Variants in PTGIS observed in about 807,000 individuals in gnomAD.
PTGIS encodes the protein prostacyclin synthase.
In PTGIS, 45 loss-of-function variants were observed where a neutral mutation model predicts 50.3. That is an observed-to-expected ratio of 0.90 (90% CI 0.70 to 1.15). The LOEUF (loss-of-function observed/expected upper bound fraction) is 1.15. Among genes scored for constraint, PTGIS ranks in the 50% most tolerant of loss-of-function variants. The pLI, the probability that PTGIS is intolerant of heterozygous loss-of-function variation, is 0.00. For missense variants in PTGIS, 668 were observed against 661.3 expected (o/e 1.01, Z -0.11); for synonymous variants, 260 against 267.7 (o/e 0.97, Z 0.28).
In PTGIS at chr20:49,513,236, C is replaced by A. The variant is rs201137032; in HGVS notation, c.1050G>T (p.Arg350Ser). The A allele has an allele frequency of 4.3e-6, 7 of 1,613,868 alleles. No homozygotes were observed. The highest frequency in any genetic ancestry group is 5.9e-6 in the Non-Finnish European group (7 of 1,180,030). The change falls in exon 8 of 10, where the codon AGG becomes AGT. Residue 350 changes from arginine (R) to serine (S), a missense_variant. By Grantham distance (110) the Arg-to-Ser change is moderately radical (BLOSUM62 -1). Transcript: ENST00000244043. ...VLDSVLSESL[R>S]LTAAPFITRE... ...GGGTGATGAAGGGGGCAGCTGTAAG[C>A]CTGAGGCTCTCACTCAGCACGCTAT...
intron 5 of PTGIS, among the ~76,000 whole-genome samples, chr20:49,532,205 C>A (rs1398024233): frequency 6.6e-6 from 1 of 152,126 alleles, no homozygotes; most frequent in Non-Finnish European, 1.5e-5. Flanking sequence ...ATCGATTTCA[C>A]TTCTATTTTT....
Position 49,514,434 on chromosome 20 carries a change from C to T in PTGIS, c.856-39G>A, listed in dbSNP as rs751462586. ...GGCCCCTGTTATGCCATTATGAGGG[C>T]AGAGCTGACTCGTCTCTGCCAGGGA... is the stretch of plus-strand genomic sequence containing the variant. On this transcript the variant is annotated intron_variant, in intron 6 of 9. Transcript: ENST00000244043. The T allele has an allele frequency of 7.5e-6, 12 of 1,606,798 alleles. No homozygotes were observed. In the African/African-American group the frequency reaches 1.6e-4, roughly 21 times the overall value.
At chr20:49,565,591 G>C (rs1982877420) in intron 1 of PTGIS, among the ~76,000 whole-genome samples, 1 of 152,136 alleles carries the variant, frequency 6.6e-6, no homozygotes, top group South Asian at 2.1e-4. Context: ...CCTGAGCCCA[G>C]GAGTTCAAGG....
intron 3 of PTGIS, among the ~76,000 whole-genome samples, chr20:49,544,695 A>G (rs917830101): frequency 1.3e-5 from 2 of 152,234 alleles, no homozygotes; most frequent in Admixed American, 6.5e-5. Flanking sequence ...AGTTACTATT[A>G]TGACACCCAT....
In PTGIS at chr20:49,542,941, T is replaced by C. The variant is rs182477079; in HGVS notation, c.521+1364A>G. Among the ~76,000 whole-genome samples the C allele has an allele frequency of 1.2e-3, 129 of 106,946 alleles. 1 individual carries two copies. The highest frequency in any genetic ancestry group is 1.4e-3 in the Non-Finnish European group (68 of 49,096). The allele number at this position is 106,946 out of a possible 152,430, so 70.2% of individuals were successfully genotyped here. ...GAGCGATTGTGAGCATTAAAAGAGC[T>C]GAGACACGCCGAGTCTACACATATG... On this transcript the variant is annotated intron_variant, in intron 4 of 9. Transcript: ENST00000244043.
intron 8 of PTGIS, among the ~76,000 whole-genome samples, chr20:49,511,892 G>A (rs1269548478): frequency 2.0e-5 from 3 of 151,798 alleles, no homozygotes; most frequent in Admixed American, 6.6e-5. Context: ...TGGATGGGTA[G>A]ATGGGTGAAT....
At position 49,504,929 on chromosome 20, in the gene PTGIS, C is replaced by T; in HGVS notation, c.*2991G>A. 6.6e-6 allele frequency: 1 copy of T among 151,912 alleles called. No individual in the cohort carries two copies. Among genetic ancestry groups the T allele is most frequent in the East Asian group, 1.9e-4 (1 of 5,186 alleles). The allele number at this position is 151,912 out of a possible 1,614,324, so 9.4% of individuals were successfully genotyped here. On this transcript the variant is annotated 3_prime_UTR_variant, in exon 10 of 10. Coordinates refer to ENST00000244043, the MANE Select transcript of PTGIS (RefSeq NM_000961.4). ...CACGAGCTCAGGAGATCAAGACCATCCTGGCTAATACGGTGAAATCCCATC... is the reference window on the plus strand; with the variant it reads ...CACGAGCTCAGGAGATCAAGACCATTCTGGCTAATACGGTGAAATCCCATC...
chr20:49,515,280 G>A (rs1248639066), intron 6 of PTGIS, among the ~76,000 whole-genome samples: 1 of 152,194 alleles, frequency 6.6e-6, no homozygotes, highest in Non-Finnish European at 1.5e-5. Context: ...ATGACTGAAA[G>A]CTATGAATAA....
At chr20:49,563,244 C>T (rs1023460379) in intron 1 of PTGIS, among the ~76,000 whole-genome samples, 2 of 152,182 alleles carry the variant, frequency 1.3e-5, no homozygotes, top group Non-Finnish European at 2.9e-5. Flanking sequence ...ACCTGCTTAA[C>T]CCATTCTTCC....
At chr20:49,512,426 T>C (rs1191444018) in intron 8 of PTGIS, among the ~76,000 whole-genome samples, 1 of 151,930 alleles carries the variant, frequency 6.6e-6, no homozygotes, top group Non-Finnish European at 1.5e-5. Context: ...GATGAATGGA[T>C]GGGCGGATGG....
At chr20:49,560,013 C>G (rs1054866823) in intron 1 of PTGIS, among the ~76,000 whole-genome samples, 1 of 151,854 alleles carries the variant, frequency 6.6e-6, no homozygotes, top group African/African-American at 2.4e-5. Context: ...CAACCTGCAC[C>G]TCCCGGGTTC....
Position 49,560,324 on chromosome 20 carries a change from C to T in PTGIS, c.74+7719G>A, listed in dbSNP as rs147367842. Among the ~76,000 whole-genome samples the T allele has an allele frequency of 3.9e-5, 6 of 152,270 alleles. No individual in the cohort carries two copies. In the East Asian group the frequency reaches 5.8e-4, roughly 15 times the overall value. On this transcript the variant is annotated intron_variant, in intron 1 of 9. Coordinates refer to ENST00000244043, the MANE Select transcript of PTGIS (RefSeq NM_000961.4). ...ACGCAATCCTCCAGCCTCAGCCTCC[C>T]GAGTAGCTGGCACTATATATAGGCA...
intron 1 of PTGIS, among the ~76,000 whole-genome samples, chr20:49,553,699 C>T (rs7273247): frequency 0.038 from 5,802 of 150,744 alleles, 282 homozygotes; most frequent in African/African-American, 0.12. Flanking sequence ...TATTAAACAA[C>T]GTAAAAAGAA....
At chr20:49,537,441 G>A (rs187968731) in intron 5 of PTGIS, among the ~76,000 whole-genome samples, 93 of 152,334 alleles carry the variant, frequency 6.1e-4, no homozygotes, top group African/African-American at 2.0e-3. Context: ...TTCTTCTAGT[G>A]TGATATATCT....
At chr20:49,521,429 A>G (rs1981648974) in intron 6 of PTGIS, among the ~76,000 whole-genome samples, 1 of 152,202 alleles carries the variant, frequency 6.6e-6, no homozygotes, top group South Asian at 2.1e-4. Context: ...CTCAGAGGAC[A>G]TCTTGTCCCC....
chr20:49,555,273 A>G (rs891734199), intron 1 of PTGIS, among the ~76,000 whole-genome samples: 2 of 492 alleles, frequency 4.1e-3, no homozygotes, highest in Non-Finnish European at 0.091. Context: ...AGTGTCTCGA[A>G]AAAAAAAAAG....
intron 5 of PTGIS, among the ~76,000 whole-genome samples, chr20:49,528,257 T>C (rs1481121767): frequency 6.6e-6 from 1 of 152,006 alleles, no homozygotes; most frequent in East Asian, 1.9e-4. Flanking sequence ...CTGTTCTGAG[T>C]AGTGTGTTGA....
rs1445944242 is a variant in PTGIS, at chr20:49,540,382, T to C, written c.522-661A>G. Among the ~76,000 whole-genome samples, 2 of 152,096 alleles carry C rather than the reference T, an allele frequency of 1.3e-5. No homozygotes were observed. Among genetic ancestry groups the C allele is most frequent in the Admixed American group, 6.5e-5 (1 of 15,284 alleles). Reference sequence around the variant, plus strand: ...ACGTGTTCAGGCAACAGGCACAGCCTGTGCAAAGGCCCAGAGCTGAGAGTG... The same window carrying C: ...ACGTGTTCAGGCAACAGGCACAGCCCGTGCAAAGGCCCAGAGCTGAGAGTG... On this transcript the variant is annotated intron_variant, in intron 4 of 9. Coordinates refer to ENST00000244043, the MANE Select transcript of PTGIS (RefSeq NM_000961.4). This position sits in a 1 kb window ranked among gnomAD's most constrained non-coding sequence, Gnocchi z 4.8.
chr20:49,552,850 T>C (rs1464425710), intron 1 of PTGIS, among the ~76,000 whole-genome samples: 1 of 152,080 alleles, frequency 6.6e-6, no homozygotes, highest in African/African-American at 2.4e-5. Flanking sequence ...AGGAGCTTTA[T>C]AACAGGAGAA....
Sources: allele counts gnomAD v4.1 joint callset (sites outside exome capture counted in the v4.1 genomes callset), GRCh38; gene constraint gnomAD v4.1.1; non-coding constraint Gnocchi (gnomAD v3.1); transcripts MANE v1.5; gene names NCBI Gene and HGNC (gene_info 2026-07-23, HGNC 2026-07-21).